Variants in LRRFIP1 observed in about 807,000 individuals in gnomAD.
The protein encoded by LRRFIP1 is leucine-rich repeat flightless-interacting protein 1.
In LRRFIP1, 62 loss-of-function variants were observed where a neutral mutation model predicts 104.4. The observed-to-expected ratio is 0.59, with a 90% CI of 0.48 to 0.73. LRRFIP1 has a LOEUF of 0.73. Ranked by LOEUF, LRRFIP1 falls within the 30% of genes least tolerant of loss-of-function variation. The probability of loss-of-function intolerance (pLI) is 0.00; values close to 1 mark genes in which losing one functional copy is unlikely to be tolerated. For synonymous variants in LRRFIP1, 300 were observed against 299.0 expected (o/e 1.00, Z -0.03); for missense variants, 796 against 824.5 (o/e 0.97, Z 0.42).
intron 23 of LRRFIP1, among the ~76,000 whole-genome samples, chr2:237,775,335 C>T (rs1043701052): frequency 9.8e-5 from 15 of 152,312 alleles, no homozygotes; most frequent in Middle Eastern, 3.4e-3. Flanking sequence ...CGGGGCAAGG[C>T]ACTGCCTTTG....
chr2:237,719,763 T>A (rs964713836), intron 5 of LRRFIP1, among the ~76,000 whole-genome samples, 196 bp downstream of exon 5: 3 of 152,166 alleles, frequency 2.0e-5, no homozygotes, highest in Non-Finnish European at 2.9e-5. Flanking sequence ...TTTAGCATTT[T>A]GACCTAAATT....
chr2:237,629,833 G>C (rs1202829034), intron 1 of LRRFIP1, among the ~76,000 whole-genome samples: 2 of 152,168 alleles, frequency 1.3e-5, no homozygotes, highest in South Asian at 2.1e-4. Flanking sequence ...CTTGGGTTGA[G>C]AGCCCTGAGG....
intron 19 of LRRFIP1, chr2:237,768,243 A>G (rs1362748003): frequency 6.6e-6 from 1 of 152,178 alleles, no homozygotes; most frequent in African/African-American, 2.4e-5. Context: ...CTCCTTTAGA[A>G]TTTCTCTTCC....
At chr2:237,776,985 T>C (rs188714359) in intron 23 of LRRFIP1, among the ~76,000 whole-genome samples, 8 of 152,312 alleles carry the variant, frequency 5.3e-5, no homozygotes, top group Non-Finnish European at 1.0e-4. Context: ...AAATTTTATA[T>C]TCAATTTCTA....
chr2:237,757,253 A>G (rs554399641), intron 16 of LRRFIP1, among the ~76,000 whole-genome samples: 38 of 152,346 alleles, frequency 2.5e-4, no homozygotes, highest in African/African-American at 8.2e-4. Context: ...TTTCACCCAA[A>G]GCAGGTTTTC....
rs1366736450 is a variant in LRRFIP1 at position 237,703,951 on chromosome 2, A to G, written c.97-4593A>G. Reference sequence around the variant, plus strand: ...GCTGTGGCCCGTCATGAGATTTTATATTTTACAAAAGTGTCAGTCGATAAA... The same window carrying G: ...GCTGTGGCCCGTCATGAGATTTTATGTTTTACAAAAGTGTCAGTCGATAAA... On this transcript the variant is annotated intron_variant, in intron 1 of 23. Transcript: ENST00000308482. The surrounding 1 kb of genome is among the most constrained non-coding windows in gnomAD (Gnocchi z 4.3). 2.0e-5 allele frequency among the ~76,000 whole-genome samples: 3 copies of G among 151,678 alleles called. No homozygotes were observed. The highest frequency in any genetic ancestry group is 4.4e-5 in the Non-Finnish European group (3 of 67,904).
chr2:237,672,910 T>G (rs1404533424), intron 1 of LRRFIP1, among the ~76,000 whole-genome samples: 5 of 152,222 alleles, frequency 3.3e-5, no homozygotes, highest in African/African-American at 1.2e-4. Flanking sequence ...AAATACTGAA[T>G]TTTGGCGTCT....
In LRRFIP1 at chr2:237,727,902, T is replaced by C; in HGVS notation, c.411T>C (p.Tyr137=). 6.2e-7 allele frequency: 1 copy of C among 1,612,324 alleles called. No individual in the cohort carries two copies. The highest frequency in any genetic ancestry group is 8.5e-7 in the Non-Finnish European group (1 of 1,179,214). The part of the protein sequence containing the change: ...AWTNGYDGEL[Y]GSQSLNRRSG... ...CAAATGGTTATGATGGAGAATTGTA[T>C]GGATCACAGTCCCTGAATAGAAGAT... The change falls in exon 8 of 24, where the codon TAT becomes TAC. Residue 137 remains tyrosine (Y), a synonymous_variant. Coordinates refer to ENST00000308482, the MANE Select transcript of LRRFIP1 (RefSeq NM_001137550.2).
chr2:237,629,632 C>T (rs1240752860), intron 1 of LRRFIP1, among the ~76,000 whole-genome samples: 4 of 151,994 alleles, frequency 2.6e-5, no homozygotes, highest in Non-Finnish European at 5.9e-5. Flanking sequence ...CCACCACACC[C>T]GGCTAATTTT....
At chr2:237,646,901 C>A (rs2085009534) in intron 1 of LRRFIP1, among the ~76,000 whole-genome samples, 1 of 152,008 alleles carries the variant, frequency 6.6e-6, no homozygotes, top group Non-Finnish European at 1.5e-5. Flanking sequence ...CAGGCAGATA[C>A]TATCATTCCC....
chr2:237,752,967 GC>G (rs2058812095), intron 14 of LRRFIP1, among the ~76,000 whole-genome samples: 1 of 152,204 alleles, frequency 6.6e-6, no homozygotes, highest in African/African-American at 2.4e-5. Flanking sequence ...CTGACACCCA[GC>G]CCTAGGACGC....
At chr2:237,750,268 A>G (rs978302048) in intron 13 of LRRFIP1, among the ~76,000 whole-genome samples, 2 of 145,428 alleles carry the variant, frequency 1.4e-5, no homozygotes, top group African/African-American at 5.2e-5. Context: ...CCCCTGGGCC[A>G]CCTGCAGCTC....
rs117968076 is a variant in LRRFIP1 at position 237,704,762 on chromosome 2, C to A, written c.97-3782C>A. On this transcript the variant is annotated intron_variant, in intron 1 of 23. Coordinates refer to ENST00000308482, the MANE Select transcript of LRRFIP1 (RefSeq NM_001137550.2). ...ATTGTATTCAGTGACAAATGGACTTCTTTCTGAATTCTAATGTAAGGTGGA... is the reference window on the plus strand; with the variant it reads ...ATTGTATTCAGTGACAAATGGACTTATTTCTGAATTCTAATGTAAGGTGGA... Among the ~76,000 whole-genome samples, 344 of 152,202 alleles carry A rather than the reference C, an allele frequency of 2.3e-3. 9 individuals are homozygous for A. In the East Asian group the frequency reaches 0.046, roughly 20 times the overall value.
Position 237,772,959 on chromosome 2 carries a change from A to G in LRRFIP1, c.1707+14A>G, listed in dbSNP as rs771462576. 1.3e-6 allele frequency: 2 copies of G among 1,598,644 alleles called. No individual in the cohort carries two copies. The highest frequency in any genetic ancestry group is 1.7e-5 in the Admixed American group (1 of 59,980). On this transcript the variant is annotated intron_variant, in intron 22 of 23. Coordinates refer to ENST00000308482, the MANE Select transcript of LRRFIP1 (RefSeq NM_001137550.2). ...TTAGAACAAAATGTACGTGTAAGCA[A>G]CAACGGGCAGAACTGATGATTGACT...
intron 1 of LRRFIP1, among the ~76,000 whole-genome samples, chr2:237,642,967 A>G (rs1027241384): frequency 2.6e-5 from 4 of 152,202 alleles, no homozygotes; most frequent in Admixed American, 6.5e-5. Flanking sequence ...CACCTCCTCT[A>G]TAAGGTGGGA....
chr2:237,771,957 T>C (rs1023413380), intron 20 of LRRFIP1, 124 bp from the exon 21 acceptor site: 1 of 651,274 alleles, frequency 1.5e-6, no homozygotes, highest in Non-Finnish European at 2.8e-6. Flanking sequence ...AGAAGAGTAC[T>C]GATGGACACA....
chr2:237,655,619 T>G (rs1301807330), intron 1 of LRRFIP1, among the ~76,000 whole-genome samples: 1 of 152,234 alleles, frequency 6.6e-6, no homozygotes, highest in Non-Finnish European at 1.5e-5. Context: ...GAAGATTGAC[T>G]ACATCTCCTG....
At chr2:237,658,855 A>C (rs2087317615) in intron 1 of LRRFIP1, among the ~76,000 whole-genome samples, 1 of 152,218 alleles carries the variant, frequency 6.6e-6, no homozygotes. Context: ...TTACAATCCA[A>C]GATGAGATTT....
chr2:237,674,183 T>C (rs1212957395), intron 1 of LRRFIP1, among the ~76,000 whole-genome samples: 2 of 152,138 alleles, frequency 1.3e-5, no homozygotes, highest in African/African-American at 4.8e-5. Context: ...CGGCAGGGGC[T>C]GAGGCTTGGA....
Sources: gnomAD v4.1 joint callset for allele counts (sites outside exome capture counted in the v4.1 genomes callset) on GRCh38, gnomAD v4.1.1 for gene constraint, Gnocchi (gnomAD v3.1) non-coding constraint, MANE v1.5 for transcripts, NCBI Gene and HGNC (gene_info 2026-07-23, HGNC 2026-07-21) for gene names.